Variants in MATCAP2 observed in about 807,000 individuals in gnomAD.
The protein encoded by MATCAP2 is microtubule associated tyrosine carboxypeptidase 2, also known as putative tyrosine carboxypeptidase MATCAP2.
At chr7:36,356,784 T>G in the MATCAP2 span, 1 of 885,858 alleles carries the variant, frequency 1.1e-6, no homozygotes, top group Non-Finnish European at 1.8e-6. Flanking sequence ...GAGTGGGAAT[T>G]AACCATAACA....
the MATCAP2 span, among the ~76,000 whole-genome samples, chr7:36,341,055 A>C: frequency 6.6e-6 from 1 of 152,198 alleles, no homozygotes; most frequent in African/African-American, 2.4e-5. Flanking sequence ...AAAATTCCTC[A>C]CAATATGTAA....
the MATCAP2 span, among the ~76,000 whole-genome samples, chr7:36,389,518 A>G: frequency 6.6e-6 from 1 of 151,824 alleles, no homozygotes; most frequent in African/African-American, 2.4e-5. Flanking sequence ...ATGCGCCACT[A>G]CTCCCGGCCT....
the MATCAP2 span, chr7:36,357,528 A>G: frequency 1.2e-6 from 2 of 1,614,138 alleles, no homozygotes; most frequent in African/African-American, 1.3e-5. Flanking sequence ...TCAATGATCA[A>G]TGAATCTTCT....
the MATCAP2 span, among the ~76,000 whole-genome samples, chr7:36,352,415 AAAAAG>A: frequency 6.6e-6 from 1 of 151,596 alleles, no homozygotes; most frequent in Non-Finnish European, 1.5e-5. Flanking sequence ...AAAAAAAAAA[AAAAAG>A]AACCTTTCTT....
At chr7:36,385,133 G>A in the MATCAP2 span, among the ~76,000 whole-genome samples, 1 of 152,234 alleles carries the variant, frequency 6.6e-6, no homozygotes, top group Non-Finnish European at 1.5e-5. Context: ...TTTAACAAAA[G>A]TTTACAGATC....
chr7:36,360,999 T>C, the MATCAP2 span, among the ~76,000 whole-genome samples: 1 of 152,122 alleles, frequency 6.6e-6, no homozygotes, highest in Non-Finnish European at 1.5e-5. Context: ...AGAATGAAAA[T>C]AATTTGTTGA....
chr7:36,334,701 A>T, the MATCAP2 span, among the ~76,000 whole-genome samples: 2,304 of 152,274 alleles, frequency 0.015, 28 homozygotes, highest in Non-Finnish European at 0.022. Context: ...TATAACCTTT[A>T]TAACAATTTA....
the MATCAP2 span, chr7:36,337,644 CTCT>C: frequency 2.0e-5 from 3 of 151,548 alleles, no homozygotes; most frequent in Non-Finnish European, 4.4e-5. Flanking sequence ...TTGTTTATTA[CTCT>C]TATTATTATT....
At chr7:36,382,502 T>TG in the MATCAP2 span, among the ~76,000 whole-genome samples, 17 of 151,558 alleles carry the variant, frequency 1.1e-4, no homozygotes, top group African/African-American at 4.1e-4. Context: ...TTTTTTTTTT[T>TG]TTTGTTTTGA....
the MATCAP2 span, among the ~76,000 whole-genome samples, chr7:36,385,062 C>T: frequency 6.2e-4 from 95 of 152,240 alleles, no homozygotes; most frequent in East Asian, 8.1e-3. Context: ...AAAGATCCCT[C>T]TCTATAAATA....
At chr7:36,331,876 G>A in the MATCAP2 span, among the ~76,000 whole-genome samples, 1 of 152,134 alleles carries the variant, frequency 6.6e-6, no homozygotes, top group Non-Finnish European at 1.5e-5. Flanking sequence ...ATTTGGTTAG[G>A]TATGCCAATA....
the MATCAP2 span, among the ~76,000 whole-genome samples, chr7:36,352,053 T>C: frequency 1.3e-5 from 2 of 152,130 alleles, no homozygotes; most frequent in East Asian, 1.9e-4. Flanking sequence ...TTAAATTATA[T>C]GGTTGTGATG....
the MATCAP2 span, among the ~76,000 whole-genome samples, chr7:36,340,273 C>T: frequency 1.3e-5 from 2 of 152,144 alleles, no homozygotes. Context: ...CTGGTTATTT[C>T]TTGTAGCAAA....
At chr7:36,368,959 CCTT>C in the MATCAP2 span, among the ~76,000 whole-genome samples, 1 of 152,122 alleles carries the variant, frequency 6.6e-6, no homozygotes, top group African/African-American at 2.4e-5. Context: ...AAATTCTACT[CCTT>C]CATATTTCCT....
At chr7:36,367,413 G>C in the MATCAP2 span, 1 of 775,700 alleles carries the variant, frequency 1.3e-6, no homozygotes, top group Non-Finnish European at 1.4e-6. Flanking sequence ...AGCGCGCTGG[G>C]GTCTCCAGCC....
At chr7:36,370,421 C>T in the MATCAP2 span, among the ~76,000 whole-genome samples, 2 of 152,196 alleles carry the variant, frequency 1.3e-5, no homozygotes, top group African/African-American at 4.8e-5. Context: ...TTTTAGGGCA[C>T]TGATTTCAAG....
the MATCAP2 span, chr7:36,336,082 TAAATAAAATA>T: frequency 8.7e-7 from 1 of 1,156,066 alleles, no homozygotes; most frequent in Non-Finnish European, 1.1e-6. Flanking sequence ...AAAAATAAAA[TAAATAAAATA>T]AAATAAAATA....
the MATCAP2 span, chr7:36,355,526 G>T: frequency 1.3e-5 from 2 of 152,014 alleles, no homozygotes; most frequent in African/African-American, 4.8e-5. Context: ...CCTAACAAAG[G>T]AAAGTAAATA....
chr7:36,379,835 C>CAGAGAGAGAGAG, the MATCAP2 span, among the ~76,000 whole-genome samples: 1 of 134,192 alleles, frequency 7.5e-6, no homozygotes, highest in Non-Finnish European at 1.6e-5. Flanking sequence ...CACACACACA[C>CAGAGAGAGAGAG]ACACACACAC....
Sources: allele counts gnomAD v4.1 joint callset (sites outside exome capture counted in the v4.1 genomes callset), GRCh38; gene constraint gnomAD v4.1.1; transcripts MANE v1.5; gene names NCBI Gene and HGNC (gene_info 2026-07-23, HGNC 2026-07-21).